The following DCUN1D5 variants were observed in gnomAD, a reference collection of about 807,000 sequenced individuals.
The protein encoded by DCUN1D5 is DCN1-like protein 5.
A neutral mutation model predicts 38.3 loss-of-function variants in DCUN1D5; 10 were observed. That is an observed-to-expected ratio of 0.26 (90% CI 0.16 to 0.44). The LOEUF (loss-of-function observed/expected upper bound fraction) is 0.44. Ranked by LOEUF, DCUN1D5 falls within the 20% of genes least tolerant of loss-of-function variation. The pLI, the probability that DCUN1D5 is intolerant of heterozygous loss-of-function variation, is 1.00. For missense variants in DCUN1D5, 148 were observed against 275.3 expected (o/e 0.54, Z 3.27); for synonymous variants, 93 against 90.9 (o/e 1.02, Z -0.13).
chr11:103,078,583 A>G lies in DCUN1D5; in HGVS notation c.341+4165T>C, dbSNP rs1440746435. On this transcript the variant is annotated intron_variant, in intron 4 of 7. Transcript: ENST00000260247. This position sits in a 1 kb window ranked among gnomAD's most constrained non-coding sequence, Gnocchi z 4.6. ...GCTTTAAAATCTCTGATGGTTTCCC[A>G]ATATCTGTAACATAGATTTAAACTC... Among the ~76,000 whole-genome samples the G allele has an allele frequency of 6.6e-6, 1 of 152,242 alleles. No homozygotes were observed. Among genetic ancestry groups the G allele is most frequent in the Non-Finnish European group, 1.5e-5 (1 of 68,040 alleles).
chr11:103,063,716 T>C lies in DCUN1D5; in HGVS notation c.658+559A>G, dbSNP rs531713948. 4.6e-5 allele frequency among the ~76,000 whole-genome samples: 7 copies of C among 152,268 alleles called. No homozygotes were observed. In the South Asian group the frequency reaches 1.4e-3, roughly 32 times the overall value. ...TTAATTTATCATTATTTCAAAATCC[T>C]GTTTTATGGCATTCTAGCCTTTCCA... On this transcript the variant is annotated intron_variant, in intron 7 of 7. Coordinates refer to ENST00000260247, the MANE Select transcript of DCUN1D5 (RefSeq NM_032299.4). This position sits in a 1 kb window ranked among gnomAD's most constrained non-coding sequence, Gnocchi z 4.6.
rs908002046 is a variant in DCUN1D5 at position 103,083,986 on chromosome 11, A to G, written c.179-660T>C. ...CAGAAGTTTAATCTTTCAATTAGTT[A>G]GTGTCTATCATTCATCCAAAAATTA... On this transcript the variant is annotated intron_variant, in intron 2 of 7. Transcript: ENST00000260247. The surrounding 1 kb of genome is among the most constrained non-coding windows in gnomAD (Gnocchi z 4.4). Among the ~76,000 whole-genome samples, 1 of 152,010 alleles carries G rather than the reference A, an allele frequency of 6.6e-6. No homozygotes were observed. The highest frequency in any genetic ancestry group is 1.5e-5 in the Non-Finnish European group (1 of 67,990).
rs1861823461 is a variant in DCUN1D5, at chr11:103,054,460, G to C, written c.*7899C>G. 1 of 151,952 alleles carries C rather than the reference G, an allele frequency of 6.6e-6. No individual in the cohort carries two copies. Among genetic ancestry groups the C allele is most frequent in the South Asian group, 2.1e-4 (1 of 4,814 alleles). The allele number at this position is 151,952 out of a possible 1,614,324, so 9.4% of individuals were successfully genotyped here. On this transcript the variant is annotated 3_prime_UTR_variant, in exon 8 of 8. Coordinates refer to ENST00000260247, the MANE Select transcript of DCUN1D5 (RefSeq NM_032299.4). Reference sequence around the variant, plus strand: ...CTGAATTGTGTGATGGGCACTTGGAGGCACCAAAAATAAGTGAGTCAGGAT... The same window carrying C: ...CTGAATTGTGTGATGGGCACTTGGACGCACCAAAAATAAGTGAGTCAGGAT...
chr11:103,067,631 C>T (rs925422316), intron 4 of DCUN1D5, among the ~76,000 whole-genome samples: 6 of 152,254 alleles, frequency 3.9e-5, no homozygotes, highest in Admixed American at 2.0e-4. Flanking sequence ...TAAGACTATA[C>T]TAAATCAATA....
rs1324774989 is a variant in DCUN1D5, at chr11:103,054,399, C to T, written c.*7960G>A. The stretch of plus-strand genomic sequence containing the variant: ...ATTCCCTGACCGTTTTCTTATTTTT[C>T]TCTCTCTCATTATTCACATGTTCAA... On this transcript the variant is annotated 3_prime_UTR_variant, in exon 8 of 8. Transcript: ENST00000260247. The T allele has an allele frequency of 6.6e-6, 1 of 152,066 alleles. No individual in the cohort carries two copies. Among genetic ancestry groups the T allele is most frequent in the Non-Finnish European group, 1.5e-5 (1 of 67,976 alleles). The allele number at this position is 152,066 out of a possible 1,614,324, so 9.4% of individuals were successfully genotyped here. A position where few individuals can be genotyped will look rare whatever the true frequency, so the allele number is the denominator to read the frequency against.
At chr11:103,076,604 T>C (rs1035282741) in intron 4 of DCUN1D5, among the ~76,000 whole-genome samples, 2 of 152,226 alleles carry the variant, frequency 1.3e-5, no homozygotes, top group South Asian at 4.1e-4. Flanking sequence ...GCCTGTTTCC[T>C]CATTTTTAAA....
intron 4 of DCUN1D5, among the ~76,000 whole-genome samples, chr11:103,072,342 A>ATCTAGATCTAGATCTAGATCTAGATCGT (rs1862294570): frequency 1.3e-5 from 1 of 78,332 alleles, no homozygotes; most frequent in African/African-American, 6.3e-5. Flanking sequence ...CTAGAACTAG[A>ATCTAGATCTAGATCTAGATCTAGATCGT]TCTAGATCTA....
In DCUN1D5 at chr11:103,065,209, T is replaced by C. The variant is rs577473824; in HGVS notation, c.556-832A>G. ...TTCTGTCACCCAGGCTGGAGTGTAG[T>C]GGTGCAATCTCAGCTTACTGCAACC... On this transcript the variant is annotated intron_variant, in intron 6 of 7. Coordinates refer to ENST00000260247, the MANE Select transcript of DCUN1D5 (RefSeq NM_032299.4). This position sits in a 1 kb window ranked among gnomAD's most constrained non-coding sequence, Gnocchi z 4.6. 1.3e-3 allele frequency among the ~76,000 whole-genome samples: 199 copies of C among 152,006 alleles called. 1 individual carries two copies. Among genetic ancestry groups the C allele is most frequent in the African/African-American group, 4.7e-3 (195 of 41,460 alleles).
rs549353632 is a variant in DCUN1D5 at position 103,066,167 on chromosome 11, T to C, written c.555+102A>G. The C allele has an allele frequency of 1.5e-6, 1 of 678,378 alleles. No individual in the cohort carries two copies. The highest frequency in any genetic ancestry group is 3.7e-5 in the Admixed American group (1 of 27,320). The allele number at this position is 678,378 out of a possible 1,614,324, so 42.0% of individuals were successfully genotyped here. ...TATTTTAGAATTTTTTCTCTAAAGT[T>C]TTTTTAAAGCATACTATTAAAAATC... On this transcript the variant is annotated intron_variant, in intron 6 of 7. Coordinates refer to ENST00000260247, the MANE Select transcript of DCUN1D5 (RefSeq NM_032299.4). The surrounding 1 kb of genome is among the most constrained non-coding windows in gnomAD (Gnocchi z 4.7).
rs76692950 is a variant in DCUN1D5 at position 103,086,441 on chromosome 11, T to G, written c.178+2786A>C. ...CCATTTCAAGACAGAACAGTTACTG[T>G]TTATTTGGCAAACAAATGGTTCCTC... On this transcript the variant is annotated intron_variant, in intron 2 of 7. Transcript: ENST00000260247. This position sits in a 1 kb window ranked among gnomAD's most constrained non-coding sequence, Gnocchi z 4.1. Among the ~76,000 whole-genome samples, 792 of 152,332 alleles carry G rather than the reference T, an allele frequency of 5.2e-3. 5 individuals are homozygous for G. Among genetic ancestry groups the G allele is most frequent in the African/African-American group, 0.018 (756 of 41,562 alleles).
intron 4 of DCUN1D5, among the ~76,000 whole-genome samples, chr11:103,081,819 A>T (rs1862571510): frequency 6.6e-6 from 1 of 152,182 alleles, no homozygotes; most frequent in East Asian, 1.9e-4. Flanking sequence ...AAAAAAGAGA[A>T]TTACAAACCA....
chr11:103,080,325 T>C (rs1430369729), intron 4 of DCUN1D5, among the ~76,000 whole-genome samples: 1 of 152,230 alleles, frequency 6.6e-6, no homozygotes, highest in African/African-American at 2.4e-5. Context: ...GTTTATTATA[T>C]AGAACACAAA....
rs531323176 is a variant in DCUN1D5, at chr11:103,054,531, G to C, written c.*7828C>G. On this transcript the variant is annotated 3_prime_UTR_variant, in exon 8 of 8. Transcript: ENST00000260247. ...AGACATTTAAATAGATACAGCACAA[G>C]ATATTAAGTGCTGTAAGATGCTACA... 6.6e-6 allele frequency: 1 copy of C among 152,080 alleles called. No homozygotes were observed. Among genetic ancestry groups the C allele is most frequent in the African/African-American group, 2.4e-5 (1 of 41,396 alleles). 9.4% of individuals were successfully genotyped at this position (152,080 alleles called of 1,614,324 possible). A position where few individuals can be genotyped will look rare whatever the true frequency, so the allele number is the denominator to read the frequency against.
chr11:103,089,379 A>G, intron 1 of DCUN1D5, 61 bp from the exon 2 acceptor site: 2 of 1,417,768 alleles, frequency 1.4e-6, no homozygotes, highest in Non-Finnish European at 1.9e-6. Context: ...AGAAAAACTA[A>G]GTTCAAAATT....
In DCUN1D5 at chr11:103,083,454, C is replaced by A; in HGVS notation, c.179-128G>T. On this transcript the variant is annotated intron_variant, in intron 2 of 7. Transcript: ENST00000260247. This position sits in a 1 kb window ranked among gnomAD's most constrained non-coding sequence, Gnocchi z 4.4. ...TAATTAAATTTGAATTTTGGCATAGCTTTGATAAGTATAAATATTTGCTAC... is the reference window on the plus strand; with the variant it reads ...TAATTAAATTTGAATTTTGGCATAGATTTGATAAGTATAAATATTTGCTAC... 2 of 562,932 alleles carry A rather than the reference C, an allele frequency of 3.6e-6. No homozygotes were observed. The highest frequency in any genetic ancestry group is 6.4e-6 in the Non-Finnish European group (2 of 311,374). 34.9% of individuals were successfully genotyped at this position (562,932 alleles called of 1,614,324 possible). A position where few individuals can be genotyped will look rare whatever the true frequency, so the allele number is the denominator to read the frequency against.
chr11:103,070,718 C>A (rs1004925202), intron 4 of DCUN1D5, among the ~76,000 whole-genome samples: 1 of 152,106 alleles, frequency 6.6e-6, no homozygotes, highest in Non-Finnish European at 1.5e-5. Context: ...CATCAACCAA[C>A]AGGATCTAGC....
rs1343664760 is a variant in DCUN1D5, at chr11:103,061,069, TTAAC to T, written c.*1286_*1289del. Among the ~76,000 whole-genome samples, 3 of 152,148 alleles carry T rather than the reference TTAAC, an allele frequency of 2.0e-5. No homozygotes were observed. Among genetic ancestry groups the T allele is most frequent in the Non-Finnish European group, 4.4e-5 (3 of 68,008 alleles). On this transcript the variant is annotated 3_prime_UTR_variant, in exon 8 of 8. Coordinates refer to ENST00000260247, the MANE Select transcript of DCUN1D5 (RefSeq NM_032299.4). The stretch of plus-strand genomic sequence containing the variant: ...TGGCAATCATTTTTTTCCCAGCTGA[TTAAC>T]TAAAAAGCAAACAATAAAACACTTT...
intron 4 of DCUN1D5, among the ~76,000 whole-genome samples, chr11:103,074,192 A>G (rs1014265277): frequency 3.3e-5 from 5 of 152,232 alleles, no homozygotes; most frequent in African/African-American, 9.6e-5. Flanking sequence ...AAGAAGTTAT[A>G]GAATGTAAGA....
chr11:103,069,263 C>A (rs184804254), intron 4 of DCUN1D5, among the ~76,000 whole-genome samples: 1 of 152,146 alleles, frequency 6.6e-6, no homozygotes, highest in African/African-American at 2.4e-5. Flanking sequence ...TAGTAACCAG[C>A]AACACCAATG....
Sources: allele counts gnomAD v4.1 joint callset (sites outside exome capture counted in the v4.1 genomes callset), GRCh38; gene constraint gnomAD v4.1.1; non-coding constraint Gnocchi (gnomAD v3.1); transcripts MANE v1.5; gene names NCBI Gene and HGNC (gene_info 2026-07-23, HGNC 2026-07-21).